The following TRPC4 variants were observed in gnomAD, a reference collection of about 807,000 sequenced individuals.
TRPC4 encodes the protein transient receptor potential cation channel subfamily C member 4, also known as short transient receptor potential channel 4.
Under a neutral mutation model 99.4 loss-of-function variants are expected in TRPC4, and 49 were observed. The observed-to-expected ratio is 0.49, with a 90% CI of 0.39 to 0.63. TRPC4 has a LOEUF of 0.63. TRPC4 is among the 20% of genes least tolerant of loss of function. TRPC4 has a pLI of 0.00. For missense variants in TRPC4, 898 were observed against 1,152.9 expected, an observed-to-expected ratio of 0.78 and a Z score of 3.20; for synonymous variants, 454 against 425.9, an observed-to-expected ratio of 1.07 and a Z score of -0.81.
At position 37,674,172 on chromosome 13, in the gene TRPC4, A is replaced by G. The variant is rs1593483619; in HGVS notation, c.1374+56T>C. The G allele has an allele frequency of 1.3e-5, 19 of 1,435,940 alleles. 1 individual carries two copies. The East Asian group carries it at 4.9e-4, about 37-fold the overall frequency. The allele number at this position is 1,435,940 out of a possible 1,614,324, so 88.9% of individuals were successfully genotyped here. A position where few individuals can be genotyped will look rare whatever the true frequency, so the allele number is the denominator to read the frequency against. ...ATTAATAAAATTAATATCAGTTGAA[A>G]GTATATCATTAATAATCAGAACATA... On this transcript the variant is annotated intron_variant, in intron 5 of 10. Coordinates refer to ENST00000379705, the MANE Select transcript of TRPC4 (RefSeq NM_016179.4).
At chr13:37,707,158 A>G (rs1311095239) in intron 3 of TRPC4, among the ~76,000 whole-genome samples, 2 of 152,220 alleles carry the variant, frequency 1.3e-5, no homozygotes, top group Non-Finnish European at 2.9e-5. Context: ...AAATACACAT[A>G]TAAGAACTAT....
intron 3 of TRPC4, among the ~76,000 whole-genome samples, chr13:37,722,589 C>T (rs1489737276): frequency 6.6e-6 from 1 of 152,018 alleles, no homozygotes; most frequent in Non-Finnish European, 1.5e-5. Flanking sequence ...CATCAAATAC[C>T]TTGTTTTCTA....
chr13:37,636,991 T>G lies in TRPC4; in HGVS notation c.2846A>C (p.His949Pro). Reference sequence around the variant, plus strand: ...TATACTAGAGTCCTCTTCTTTTGCATGTTTCTCCTTTGGTATTATAGGAAC... The same window carrying G: ...TATACTAGAGTCCTCTTCTTTTGCAGGTTTCTCCTTTGGTATTATAGGAAC... The part of the protein sequence containing the change: ...DTVPIIPKEK[H>P]AKEEDSSIDY... Residue 949 changes from histidine to proline, a missense_variant, in exon 11 of 11, where the codon CAT becomes CCT. Around this residue, in one of 3 missense-constraint regions of TRPC4, gnomAD observed 346 missense variants for 351.4 expected, o/e 0.98. Coordinates refer to ENST00000379705, the MANE Select transcript of TRPC4 (RefSeq NM_016179.4). 6.2e-7 allele frequency: 1 copy of G among 1,613,780 alleles called. No individual in the cohort carries two copies. The highest frequency in any genetic ancestry group is 1.3e-5 in the African/African-American group (1 of 75,026).
chr13:37,681,455 CTT>C (rs967634292), intron 4 of TRPC4, among the ~76,000 whole-genome samples: 3 of 148,706 alleles, frequency 2.0e-5, no homozygotes, highest in Admixed American at 6.7e-5. Context: ...GTGTTGGTAT[CTT>C]TTTTTTTTGT....
intron 8 of TRPC4, among the ~76,000 whole-genome samples, chr13:37,644,830 G>A (rs542030100): frequency 4.1e-4 from 51 of 124,972 alleles, no homozygotes; most frequent in African/African-American, 1.5e-3. Flanking sequence ...TGCAGATCGC[G>A]CCACTGCACT....
chr13:37,862,843 C>T (rs756943479), intron 1 of TRPC4, among the ~76,000 whole-genome samples: 8 of 151,002 alleles, frequency 5.3e-5, no homozygotes, highest in East Asian at 1.9e-4. Context: ...TGTATGTGTG[C>T]GTATGTGTAG....
At chr13:37,852,416 A>G (rs1331133002) in intron 1 of TRPC4, among the ~76,000 whole-genome samples, 1 of 152,166 alleles carries the variant, frequency 6.6e-6, no homozygotes, top group Non-Finnish European at 1.5e-5. Context: ...TTCTGGCAAG[A>G]TTCATCACCT....
chr13:37,757,484 G>A (rs1181477473), intron 2 of TRPC4, among the ~76,000 whole-genome samples: 1 of 151,980 alleles, frequency 6.6e-6, no homozygotes, highest in Non-Finnish European at 1.5e-5. Flanking sequence ...GCAGATAGTT[G>A]TTTTTTAGGA....
intron 2 of TRPC4, among the ~76,000 whole-genome samples, chr13:37,766,211 A>G (rs988976217): frequency 6.6e-6 from 1 of 151,482 alleles, no homozygotes; most frequent in Non-Finnish European, 1.5e-5. Flanking sequence ...TGTTGACAAT[A>G]CATTACAAGA....
rs1951525930 is a variant in TRPC4, at chr13:37,636,625, G to A, written c.*278C>T. The A allele has an allele frequency of 3.8e-6, 1 of 263,680 alleles. No homozygotes were observed. Among genetic ancestry groups the A allele is most frequent in the Non-Finnish European group, 7.1e-6 (1 of 141,458 alleles). 16.3% of individuals were successfully genotyped at this position (263,680 alleles called of 1,614,324 possible). On this transcript the variant is annotated 3_prime_UTR_variant, in exon 11 of 11. Transcript: ENST00000379705. The stretch of plus-strand genomic sequence containing the variant: ...TTTAATTGAAAAAGATAGCTAAAAT[G>A]TTTCTGTGGGTTATTGCAACAGTAC...
chr13:37,827,177 A>T (rs1256307921), intron 1 of TRPC4, among the ~76,000 whole-genome samples: 1 of 151,496 alleles, frequency 6.6e-6, no homozygotes, highest in African/African-American at 2.4e-5. Context: ...CATTCTTCTA[A>T]TTTTTTTTCA....
intron 2 of TRPC4, among the ~76,000 whole-genome samples, chr13:37,772,189 A>C (rs1956569061): frequency 6.6e-6 from 1 of 151,752 alleles, no homozygotes; most frequent in Non-Finnish European, 1.5e-5. Context: ...TCTCTCACAC[A>C]CACAGTTAGT....
chr13:37,669,517 T>G (rs2138730991), intron 5 of TRPC4, among the ~76,000 whole-genome samples: 1 of 152,304 alleles, frequency 6.6e-6, no homozygotes, highest in East Asian at 1.9e-4. Context: ...ACCACAAAAC[T>G]TTGCATGTAA....
chr13:37,826,767 C>T (rs898096241), intron 1 of TRPC4, among the ~76,000 whole-genome samples: 13 of 152,068 alleles, frequency 8.5e-5, no homozygotes, highest in Non-Finnish European at 1.8e-4. Flanking sequence ...TTGCTCTTCT[C>T]GAGGAGTATC....
At chr13:37,770,628 G>T (rs942351787) in intron 2 of TRPC4, among the ~76,000 whole-genome samples, 2 of 151,500 alleles carry the variant, frequency 1.3e-5, no homozygotes, top group Non-Finnish European at 3.0e-5. Context: ...GGAATCAAAA[G>T]CTCTTCAGAT....
chr13:37,784,908 T>G (rs1398139856), intron 1 of TRPC4, among the ~76,000 whole-genome samples: 1 of 152,124 alleles, frequency 6.6e-6, no homozygotes, highest in African/African-American at 2.4e-5. Flanking sequence ...GAAAAACTAT[T>G]ATTTCACAAC....
chr13:37,832,255 A>T (rs974745969), intron 1 of TRPC4, among the ~76,000 whole-genome samples: 18 of 152,206 alleles, frequency 1.2e-4, no homozygotes, highest in Admixed American at 7.9e-4. Flanking sequence ...TCACTAAAAA[A>T]TACTCAATTT....
intron 1 of TRPC4, among the ~76,000 whole-genome samples, chr13:37,839,424 A>AGGCAC: frequency 6.6e-6 from 1 of 152,204 alleles, no homozygotes; most frequent in Non-Finnish European, 1.5e-5. Context: ...ATCCAGGGTT[A>AGGCAC]ATCTATGTCT....
At chr13:37,826,117 G>A (rs200284812) in intron 1 of TRPC4, among the ~76,000 whole-genome samples, 9,292 of 92,986 alleles carry the variant, frequency 0.1, 350 homozygotes, top group East Asian at 0.2. Flanking sequence ...TTTGTTTTCC[G>A]TTTGCTTGGT....
Sources: allele counts gnomAD v4.1 joint callset (sites outside exome capture counted in the v4.1 genomes callset), GRCh38; gene constraint gnomAD v4.1.1; regional missense constraint gnomAD v4.1.1; transcripts MANE v1.5; gene names NCBI Gene and HGNC (gene_info 2026-07-23, HGNC 2026-07-21).